Variants in EXT1 observed in about 807,000 individuals in gnomAD.
EXT1 encodes exostosin-1.
EXT1 carries 20 observed loss-of-function variants against 82.5 expected under a neutral mutation model. The ratio of observed to expected loss-of-function variants is 0.24; its 90% CI spans 0.17 to 0.35. The LOEUF (loss-of-function observed/expected upper bound fraction) is 0.35, where lower values mean the gene tolerates loss of function less well. Among genes scored for constraint, EXT1 ranks in the 10% least tolerant of loss-of-function variants. EXT1 has a pLI of 1.00. For synonymous variants in EXT1, 348 were observed against 350.8 expected (o/e 0.99, Z 0.09); for missense variants, 757 against 936.5 (o/e 0.81, Z 2.50).
At chr8:117,980,698 G>GTTTTTTTTT in intron 1 of EXT1, among the ~76,000 whole-genome samples, 1 of 43,840 alleles carries the variant, frequency 2.3e-5, no homozygotes, top group East Asian at 5.4e-4. Context: ...GGTGTTGGTG[G>GTTTTTTTTT]TTTTTTTTTT....
intron 1 of EXT1, among the ~76,000 whole-genome samples, chr8:117,973,800 AG>A (rs1814996992): frequency 4.6e-4 from 20 of 43,304 alleles, no homozygotes; most frequent in Admixed American, 8.0e-4. Flanking sequence ...AAAAGAAAAG[AG>A]AAAGGAAAGG....
chr8:118,096,167 G>A lies in EXT1; in HGVS notation c.962+13918C>T, dbSNP rs1051354681. ...GGAGAAAAACTACAATTAAAGGGGGGGAAGTTTCAATATCTACAGACTGTT... is the reference window on the plus strand; with the variant it reads ...GGAGAAAAACTACAATTAAAGGGGGAGAAGTTTCAATATCTACAGACTGTT... On this transcript the variant is annotated intron_variant, in intron 1 of 10. Transcript: ENST00000378204. 8.3e-4 allele frequency among the ~76,000 whole-genome samples: 126 copies of A among 152,108 alleles called. 1 individual carries two copies. Among genetic ancestry groups the A allele is most frequent in the African/African-American group, 2.9e-3 (120 of 41,478 alleles).
Position 117,822,447 on chromosome 8 carries a change from T to C in EXT1, c.1417+18A>G. ...TTCAGGGTAAACAAGGGCAACTCCC[T>C]GGAGGAAATTCACTTACCTAAATTA... On this transcript the variant is annotated intron_variant, in intron 5 of 10. Coordinates refer to ENST00000378204, the MANE Select transcript of EXT1 (RefSeq NM_000127.3). 6.2e-7 allele frequency: 1 copy of C among 1,612,294 alleles called. No homozygotes were observed. Among genetic ancestry groups the C allele is most frequent in the South Asian group, 1.1e-5 (1 of 91,070 alleles).
At chr8:117,902,110 T>A (rs1355442791) in intron 1 of EXT1, among the ~76,000 whole-genome samples, 1 of 151,890 alleles carries the variant, frequency 6.6e-6, no homozygotes, top group Non-Finnish European at 1.5e-5. Context: ...ATCATCAGTA[T>A]CTCTGTCTTC....
intron 1 of EXT1, among the ~76,000 whole-genome samples, chr8:118,100,365 G>A (rs1328604938): frequency 1.3e-5 from 2 of 152,196 alleles, no homozygotes; most frequent in Middle Eastern, 3.2e-3. Flanking sequence ...ATAAGGGCCT[G>A]CTGAACCGGC....
At chr8:118,008,736 A>T (rs891210609) in intron 1 of EXT1, among the ~76,000 whole-genome samples, 5 of 152,196 alleles carry the variant, frequency 3.3e-5, no homozygotes, top group African/African-American at 1.2e-4. Flanking sequence ...TTTTCTTATT[A>T]AAACCACAGC....
At chr8:117,882,999 AAG>A (rs1466488093) in intron 1 of EXT1, among the ~76,000 whole-genome samples, 1 of 151,948 alleles carries the variant, frequency 6.6e-6, no homozygotes, top group East Asian at 1.9e-4. Flanking sequence ...AAAAAAAAGA[AAG>A]AAAAAAAATG....
chr8:117,923,358 G>A (rs1813892343), intron 1 of EXT1, among the ~76,000 whole-genome samples: 1 of 151,614 alleles, frequency 6.6e-6, no homozygotes, highest in African/African-American at 2.4e-5. Flanking sequence ...AGTGAGCAGG[G>A]GGATGTGGGT....
intron 1 of EXT1, among the ~76,000 whole-genome samples, chr8:117,848,100 A>T (rs1812394880): frequency 6.6e-6 from 1 of 152,188 alleles, no homozygotes; most frequent in African/African-American, 2.4e-5. Flanking sequence ...AAAATTCTAG[A>T]ACACCCAACT....
intron 1 of EXT1, among the ~76,000 whole-genome samples, chr8:117,993,422 T>C (rs1262421406): frequency 6.6e-6 from 1 of 152,148 alleles, no homozygotes; most frequent in African/African-American, 2.4e-5. Context: ...AAAAGTTAAC[T>C]AAAAATGCAA....
At chr8:118,083,781 A>G (rs17477196) in intron 1 of EXT1, among the ~76,000 whole-genome samples, 2,922 of 152,258 alleles carry the variant, frequency 0.019, 75 homozygotes, top group African/African-American at 0.066. Flanking sequence ...TAATCCCAGC[A>G]TTTTGGGAGG....
rs1229701992 is a variant in EXT1, at chr8:117,804,627, T to C, written c.2055+95A>G. On this transcript the variant is annotated intron_variant, in intron 10 of 10. Coordinates refer to ENST00000378204, the MANE Select transcript of EXT1 (RefSeq NM_000127.3). Reference sequence around the variant, plus strand: ...TTCCTGGTTTCTCCTCATTATATGCTCCTGGGTGGAACAGCTAGAGGAACG... The same window carrying C: ...TTCCTGGTTTCTCCTCATTATATGCCCCTGGGTGGAACAGCTAGAGGAACG... 4.4e-6 allele frequency: 6 copies of C among 1,369,110 alleles called. No homozygotes were observed. The African/African-American group carries it at 8.6e-5, about 20-fold the overall frequency. 84.8% of individuals were successfully genotyped at this position (1,369,110 alleles called of 1,614,324 possible).
chr8:117,967,964 C>T, intron 1 of EXT1, among the ~76,000 whole-genome samples: 1 of 152,182 alleles, frequency 6.6e-6, no homozygotes, highest in East Asian at 1.9e-4. Flanking sequence ...ATTTTAGCTG[C>T]TCTTGCCACA....
chr8:117,927,630 A>G (rs1337490376), intron 1 of EXT1, among the ~76,000 whole-genome samples: 1 of 152,198 alleles, frequency 6.6e-6, no homozygotes, highest in Non-Finnish European at 1.5e-5. Context: ...AGCAAAAATA[A>G]TAACACATTG....
chr8:117,835,603 G>A (rs1459438709), intron 2 of EXT1, 52 bp from the exon 3 acceptor site: 1 of 1,338,770 alleles, frequency 7.5e-7, no homozygotes. Context: ...AGCAGAAGCT[G>A]TTCCAATCAG....
At chr8:117,972,795 A>G (rs925335246) in intron 1 of EXT1, among the ~76,000 whole-genome samples, 15 of 152,176 alleles carry the variant, frequency 9.9e-5, no homozygotes, top group African/African-American at 2.9e-4. Flanking sequence ...TGCAGAGTGA[A>G]GAGGGGCAAA....
At chr8:117,891,180 G>T (rs1813234932) in intron 1 of EXT1, among the ~76,000 whole-genome samples, 1 of 152,186 alleles carries the variant, frequency 6.6e-6, no homozygotes, top group Non-Finnish European at 1.5e-5. Context: ...TCTTTCTTTG[G>T]AAAATAAGTT....
At chr8:117,955,008 C>T (rs937576607) in intron 1 of EXT1, among the ~76,000 whole-genome samples, 1 of 152,200 alleles carries the variant, frequency 6.6e-6, no homozygotes, top group Admixed American at 6.5e-5. Flanking sequence ...GATCTCATGA[C>T]TCCCTCCTCA....
At chr8:118,057,853 G>A (rs1816819874) in intron 1 of EXT1, among the ~76,000 whole-genome samples, 1 of 151,306 alleles carries the variant, frequency 6.6e-6, no homozygotes, top group African/African-American at 2.4e-5. Flanking sequence ...GGCGCCTGTA[G>A]TCCCAGCTAC....
Sources: gnomAD v4.1 joint callset for allele counts (sites outside exome capture counted in the v4.1 genomes callset) on GRCh38, gnomAD v4.1.1 for gene constraint, MANE v1.5 for transcripts, NCBI Gene and HGNC (gene_info 2026-07-23, HGNC 2026-07-21) for gene names.